Variants in THOC7 observed in about 807,000 individuals in gnomAD.
THOC7 encodes NIF3L1-binding protein 1.
THOC7 carries 22 observed loss-of-function variants against 33.1 expected under a neutral mutation model. That is an observed-to-expected ratio of 0.66 (90% CI 0.47 to 0.95). THOC7 has a LOEUF of 0.95. Among genes scored for constraint, THOC7 ranks in the 40% least tolerant of loss-of-function variants. The pLI, the probability that THOC7 is intolerant of heterozygous loss-of-function variation, is 0.00. For missense variants in THOC7, 184 were observed against 245.3 expected, an observed-to-expected ratio of 0.75 and a Z score of 1.67; for synonymous variants, 77 against 76.8, an observed-to-expected ratio of 1.00 and a Z score of -0.01.
chr3:63,838,973 T>C (rs1178179055), intron 2 of THOC7, among the ~76,000 whole-genome samples: 1 of 152,204 alleles, frequency 6.6e-6, no homozygotes, highest in Non-Finnish European at 1.5e-5. Context: ...GGCAGATCAC[T>C]TAATGCTAGA....
At chr3:63,863,138 C>A (rs931723091) in intron 1 of THOC7, 1 of 152,606 alleles carries the variant, frequency 6.6e-6, no homozygotes, top group East Asian at 1.9e-4. Context: ...CCTGCTCCTC[C>A]TTCTCACCCA....
intron 5 of THOC7, 152 bp from the exon 6 acceptor site, chr3:63,835,542 C>T: frequency 1.8e-6 from 1 of 567,916 alleles, no homozygotes. Context: ...ACTTTTAAAG[C>T]TGAGGATGAT....
chr3:63,847,692 G>A (rs543794032), intron 1 of THOC7, among the ~76,000 whole-genome samples: 6 of 135,418 alleles, frequency 4.4e-5, no homozygotes, highest in East Asian at 4.2e-4. Flanking sequence ...AGCCAAGATC[G>A]TGCAACTGCA....
At chr3:63,858,402 TA>T (rs1252118985) in intron 1 of THOC7, among the ~76,000 whole-genome samples, 1 of 152,136 alleles carries the variant, frequency 6.6e-6, no homozygotes, top group Non-Finnish European at 1.5e-5. Flanking sequence ...GTAGGCATAT[TA>T]AAAACCATTA....
chr3:63,838,179 A>T (rs1040013469), intron 3 of THOC7, 117 bp from the exon 4 acceptor site: 37 of 1,047,536 alleles, frequency 3.5e-5, no homozygotes, highest in Non-Finnish European at 4.5e-5. Flanking sequence ...TAGTATTTTT[A>T]AAAAATAGCT....
intron 1 of THOC7, among the ~76,000 whole-genome samples, chr3:63,858,950 G>C (rs556479427): frequency 3.9e-5 from 6 of 152,312 alleles, no homozygotes; most frequent in African/African-American, 1.4e-4. Flanking sequence ...AGAGCTCCCA[G>C]TCCAACTGGA....
chr3:63,860,642 T>C (rs1291054253), intron 1 of THOC7: 3 of 152,184 alleles, frequency 2.0e-5, no homozygotes, highest in African/African-American at 7.2e-5. Context: ...ACTTACAGCT[T>C]GGTTAATTAA....
At chr3:63,863,495 C>A in intron 1 of THOC7, 1 of 1,179,374 alleles carries the variant, frequency 8.5e-7, no homozygotes, top group Non-Finnish European at 1.0e-6. Context: ...GACCACGCTC[C>A]CGGCACACCC....
Position 63,838,366 on chromosome 3 carries a change from C to T in THOC7, c.265+6G>A. On this transcript the variant is annotated splice_donor_region_variant and intron_variant, in intron 3 of 7. Transcript: ENST00000295899. Reference sequence around the variant, plus strand: ...AATTACAGATAGAAACATTAAGATTCTTTACCTATTTCCTTGTAAATTTTT... The same window carrying T: ...AATTACAGATAGAAACATTAAGATTTTTTACCTATTTCCTTGTAAATTTTT... 1 of 1,457,206 alleles carries T rather than the reference C, an allele frequency of 6.9e-7. No homozygotes were observed. The highest frequency in any genetic ancestry group is 1.2e-5 in the South Asian group (1 of 82,954). 90.3% of individuals were successfully genotyped at this position (1,457,206 alleles called of 1,614,324 possible). A position where few individuals can be genotyped will look rare whatever the true frequency, so the allele number is the denominator to read the frequency against.
intron 1 of THOC7, among the ~76,000 whole-genome samples, chr3:63,843,691 G>A (rs1241893131): frequency 1.3e-5 from 2 of 152,092 alleles, no homozygotes; most frequent in African/African-American, 4.8e-5. Flanking sequence ...ACGAGGTCAG[G>A]AGATCGAGAC....
At chr3:63,835,495 G>C in intron 5 of THOC7, 105 bp from the exon 6 acceptor site, 5 of 986,080 alleles carry the variant, frequency 5.1e-6, no homozygotes, top group Non-Finnish European at 7.5e-6. Context: ...AATAAAAAAA[G>C]GGCTTATAAG....
intron 1 of THOC7, among the ~76,000 whole-genome samples, chr3:63,853,733 C>A (rs1000898147): frequency 1.3e-5 from 2 of 152,064 alleles, no homozygotes; most frequent in East Asian, 1.9e-4. Flanking sequence ...GCGGTGAAAC[C>A]CTGTCTGTAC....
chr3:63,842,609 A>C (rs926697469), intron 1 of THOC7, among the ~76,000 whole-genome samples: 2 of 152,214 alleles, frequency 1.3e-5, no homozygotes, highest in Non-Finnish European at 2.9e-5. Context: ...TGGAAAATCA[A>C]ATACCATATG....
intron 1 of THOC7, among the ~76,000 whole-genome samples, chr3:63,845,285 C>T (rs568449247): frequency 6.6e-6 from 1 of 152,282 alleles, no homozygotes; most frequent in African/African-American, 2.4e-5. Flanking sequence ...TGTACTGTGG[C>T]AGGGCACATG....
At chr3:63,839,797 A>G in intron 1 of THOC7, 24 bp from the exon 2 acceptor site, 2 of 1,593,778 alleles carry the variant, frequency 1.3e-6, no homozygotes, top group South Asian at 2.2e-5. Context: ...GGGCAATGTT[A>G]CCATCTGGCT....
upstream of THOC7, among the ~76,000 whole-genome samples, chr3:63,864,062 G>A (rs1702325235): frequency 6.9e-6 from 1 of 145,506 alleles, no homozygotes; most frequent in Non-Finnish European, 1.5e-5. Context: ...GCGGCCGGCG[G>A]CGGCCCCGGC....
At chr3:63,836,220 G>C in intron 5 of THOC7, 81 bp downstream of exon 5, 1 of 1,322,756 alleles carries the variant, frequency 7.6e-7, no homozygotes. Flanking sequence ...ATTTATTTCT[G>C]CAAAAATGAA....
At chr3:63,840,057 T>C (rs1701725835) in intron 1 of THOC7, among the ~76,000 whole-genome samples, 1 of 152,136 alleles carries the variant, frequency 6.6e-6, no homozygotes, top group African/African-American at 2.4e-5. Flanking sequence ...GCTGGAGTAA[T>C]AGCAGTGAAA....
At chr3:63,864,448 C>T (rs1321458010), upstream of THOC7, 1 of 152,070 alleles carries the variant, frequency 6.6e-6, no homozygotes, top group Non-Finnish European at 1.5e-5. Context: ...TCTCGAACGC[C>T]GGCACTTGCG....
Sources: allele counts gnomAD v4.1 joint callset (sites outside exome capture counted in the v4.1 genomes callset), GRCh38; gene constraint gnomAD v4.1.1; transcripts MANE v1.5; gene names NCBI Gene and HGNC (gene_info 2026-07-23, HGNC 2026-07-21).